CGAS: variants seen among roughly 807,000 people sequenced by gnomAD.
The protein encoded by CGAS is cyclic GMP-AMP synthase.
Under a neutral mutation model 34.0 loss-of-function variants are expected in CGAS, and 31 were observed. The observed-to-expected ratio is 0.91, with a 90% confidence interval of 0.69 to 1.23. The LOEUF (loss-of-function observed/expected upper bound fraction) is 1.23. Among genes scored for constraint, CGAS ranks in the 50% most tolerant of loss-of-function variants. The pLI is 0.00. For missense variants in CGAS, 597 were observed against 657.6 expected, an observed-to-expected ratio of 0.91 and a Z score of 1.01; for synonymous variants, 266 against 260.0, an observed-to-expected ratio of 1.02 and a Z score of -0.22.
intron 1 of CGAS, among the ~76,000 whole-genome samples, chr6:73,449,104 AAG>A (rs909690887): frequency 5.3e-5 from 8 of 151,838 alleles, no homozygotes; most frequent in Admixed American, 2.6e-4. Flanking sequence ...AAAAAGAAAA[AAG>A]AAAAAGAAAA....
rs373816209 is a variant in CGAS at position 73,429,594 on chromosome 6, A to G, written c.1115-783T>C. ...GTAATCCCAGCACCTTGGGAGGCCA[A>G]GGTGGGCGGATCACAAGGTCGGGAG... is the stretch of plus-strand genomic sequence containing the variant. On this transcript the variant is annotated intron_variant, in intron 3 of 4. Coordinates refer to ENST00000370315, the MANE Select transcript of CGAS (RefSeq NM_138441.3). Among the ~76,000 whole-genome samples the G allele has an allele frequency of 7.3e-3, 1,109 of 152,282 alleles. 8 individuals are homozygous for G. The highest frequency in any genetic ancestry group is 0.01 in the Middle Eastern group (3 of 294).
chr6:73,428,332 C>A (rs775705536), intron 4 of CGAS, among the ~76,000 whole-genome samples: 6 of 151,952 alleles, frequency 3.9e-5, no homozygotes, highest in South Asian at 2.1e-4. Flanking sequence ...ATAAGAGCGA[C>A]CTTTTGGCCT....
At chr6:73,431,263 A>G (rs1770192205) in intron 3 of CGAS, among the ~76,000 whole-genome samples, 1 of 152,130 alleles carries the variant, frequency 6.6e-6, no homozygotes, top group Admixed American at 6.6e-5. Context: ...TGAGGTCAGG[A>G]GTTCGAGACC....
intron 4 of CGAS, among the ~76,000 whole-genome samples, chr6:73,425,881 C>T (rs1240588955): frequency 3.3e-5 from 5 of 151,974 alleles, no homozygotes; most frequent in African/African-American, 7.2e-5. Context: ...GGCTGAGGCA[C>T]GAGAATCGCT....
chr6:73,452,280 G>A lies in CGAS; in HGVS notation c.-99C>T, dbSNP rs1161978775. ...CTGTTGGAAACCAAGCACTACTGGC[G>A]GGCACACAAGAGTCTGCGACCCGAA... On this transcript the variant is annotated 5_prime_UTR_variant, in exon 1 of 5. Transcript: ENST00000370315. 4 of 1,363,436 alleles carry A rather than the reference G, an allele frequency of 2.9e-6. No individual in the cohort carries two copies. Among genetic ancestry groups the A allele is most frequent in the Non-Finnish European group, 3.8e-6 (4 of 1,042,198 alleles). 84.5% of individuals were successfully genotyped at this position (1,363,436 alleles called of 1,614,324 possible).
chr6:73,434,557 G>C lies in CGAS; in HGVS notation c.1114+5652C>G, dbSNP rs2150811715. ...ACTGTCACAGTCAAGAGTAGCTTAA[G>C]GAGACATGACAACTAAATGCAATAT... On this transcript the variant is annotated intron_variant, in intron 3 of 4. Coordinates refer to ENST00000370315, the MANE Select transcript of CGAS (RefSeq NM_138441.3). 2.0e-5 allele frequency among the ~76,000 whole-genome samples: 3 copies of C among 152,156 alleles called. No homozygotes were observed. The East Asian group carries it at 5.8e-4, about 29-fold the overall frequency.
In CGAS at chr6:73,425,386, G is replaced by A. The variant is rs750384960; in HGVS notation, c.1410C>T (p.Tyr470=). Residue 470 remains tyrosine (Y), a synonymous_variant, in exon 5 of 5, where the codon TAC becomes TAT. Coordinates refer to ENST00000370315, the MANE Select transcript of CGAS (RefSeq NM_138441.3). ...TTTCTGTCCTGAGGCACTGAAGAAA[G>A]TATGTCACGCAGTTATCAAAGCAGA... ...LGLCFDNCVT[Y]FLQCLRTEKL... is the part of the protein sequence containing the mutation. The A allele has an allele frequency of 1.6e-5, 26 of 1,613,342 alleles. No individual in the cohort carries two copies. The highest frequency in any genetic ancestry group is 2.1e-5 in the Non-Finnish European group (25 of 1,179,934).
In CGAS at chr6:73,441,764, G is replaced by A. The variant is rs150859333; in HGVS notation, c.878-1319C>T. Among the ~76,000 whole-genome samples the A allele has an allele frequency of 5.9e-3, 906 of 152,276 alleles. 4 individuals carry two copies. The highest frequency in any genetic ancestry group is 8.2e-3 in the Non-Finnish European group (555 of 68,010). Reference sequence around the variant, plus strand: ...TGTCAGATAAGACTTCCACAGTGACGAAGTAGAGCACAAAGGAGAAAATGC... The same window carrying A: ...TGTCAGATAAGACTTCCACAGTGACAAAGTAGAGCACAAAGGAGAAAATGC... On this transcript the variant is annotated intron_variant, in intron 2 of 4. Transcript: ENST00000370315.
chr6:73,436,160 C>T (rs117317600), intron 3 of CGAS, among the ~76,000 whole-genome samples: 2,573 of 151,970 alleles, frequency 0.017, 40 homozygotes, highest in Middle Eastern at 0.048. Flanking sequence ...ATCCTCCTGC[C>T]TCAGCCTCCC....
At chr6:73,434,866 T>C (rs2150811816) in intron 3 of CGAS, among the ~76,000 whole-genome samples, 1 of 152,234 alleles carries the variant, frequency 6.6e-6, no homozygotes, top group Admixed American at 6.6e-5. Flanking sequence ...CAGGGTGGTT[T>C]CGAACTCTTG....
chr6:73,443,235 C>CT (rs35135687), intron 2 of CGAS, among the ~76,000 whole-genome samples: 72,238 of 104,196 alleles, frequency 0.69, 27,083 homozygotes, highest in South Asian at 0.89. Flanking sequence ...TTCCCAAACT[C>CT]TTTTTTTTTT....
intron 3 of CGAS, among the ~76,000 whole-genome samples, chr6:73,437,868 G>C (rs1770305127): frequency 6.6e-6 from 1 of 152,054 alleles, no homozygotes; most frequent in Admixed American, 6.6e-5. Context: ...GGGAGTTCGA[G>C]ATCAGCCTGG....
chr6:73,438,997 A>T (rs527952822), intron 3 of CGAS, among the ~76,000 whole-genome samples: 1 of 152,324 alleles, frequency 6.6e-6, no homozygotes, highest in East Asian at 1.9e-4. Flanking sequence ...TCTTACAGAA[A>T]ATGATTCCTC....
chr6:73,446,781 G>A (rs1447652580), intron 1 of CGAS, among the ~76,000 whole-genome samples: 1 of 146,984 alleles, frequency 6.8e-6, no homozygotes, highest in Non-Finnish European at 1.5e-5. Flanking sequence ...CTTTCAGCCA[G>A]GCGCGGTGGC....
At position 73,425,334 on chromosome 6, in the gene CGAS, A is replaced by C. The variant is rs1770066524; in HGVS notation, c.1462T>G (p.Phe488Val). 3 of 1,611,006 alleles carry C rather than the reference A, an allele frequency of 1.9e-6. No individual in the cohort carries two copies. Among genetic ancestry groups the C allele is most frequent in the Non-Finnish European group, 2.5e-6 (3 of 1,179,306 alleles). ...EKLENYFIPEFNLFSSNLIDK... is the reference protein window; with the variant it reads ...EKLENYFIPEVNLFSSNLIDK... ...ATTAAGTTGCTAGAGAATAGATTGA[A>C]TTCAGGAATAAAATAATTCTCAAGT... The change falls in exon 5 of 5, where the codon TTC becomes GTC. Residue 488 changes from phenylalanine (F) to valine (V), a missense_variant. Phe to Val is a conservative substitution (Grantham distance 50). Coordinates refer to ENST00000370315, the MANE Select transcript of CGAS (RefSeq NM_138441.3).
intron 3 of CGAS, among the ~76,000 whole-genome samples, chr6:73,433,591 C>T (rs1479966508): frequency 6.6e-6 from 1 of 151,522 alleles, no homozygotes; most frequent in South Asian, 2.1e-4. Context: ...TGGGTTCAAG[C>T]GATTCTCCTG....
chr6:73,449,277 C>T (rs1382484717), intron 1 of CGAS, among the ~76,000 whole-genome samples: 2 of 151,698 alleles, frequency 1.3e-5, no homozygotes, highest in Non-Finnish European at 2.9e-5. Flanking sequence ...GAGATAGAGA[C>T]CAGCCTGGCT....
chr6:73,449,966 A>C (rs1373978260), intron 1 of CGAS, among the ~76,000 whole-genome samples: 1 of 151,944 alleles, frequency 6.6e-6, no homozygotes, highest in Non-Finnish European at 1.5e-5. Flanking sequence ...ACTGCACTAC[A>C]GCCTGGGCAA....
intron 1 of CGAS, 86 bp downstream of exon 1, chr6:73,451,439 G>A: frequency 7.1e-7 from 1 of 1,398,934 alleles, no homozygotes; most frequent in Non-Finnish European, 9.6e-7. Context: ...GAAGGGAAGT[G>A]AGGGGCGCGA....
Sources: gnomAD v4.1 joint callset for allele counts (sites outside exome capture counted in the v4.1 genomes callset) on GRCh38, gnomAD v4.1.1 for gene constraint, MANE v1.5 for transcripts, NCBI Gene and HGNC (gene_info 2026-07-23, HGNC 2026-07-21) for gene names.